The following ORC3 variants were observed in gnomAD, a reference collection of about 807,000 sequenced individuals.
ORC3 encodes origin recognition complex subunit 3.
In ORC3, 78 loss-of-function variants were observed where a neutral mutation model predicts 100.7. That is an observed-to-expected ratio of 0.77 (90% confidence interval 0.65 to 0.94). The LOEUF (loss-of-function observed/expected upper bound fraction) is 0.94, where lower values mean the gene tolerates loss of function less well. Ranked by LOEUF, ORC3 falls within the 40% of genes least tolerant of loss-of-function variation. The pLI is 0.00. For missense variants in ORC3, 789 were observed against 823.9 expected, an observed-to-expected ratio of 0.96 and a Z score of 0.52; for synonymous variants, 295 against 289.3, an observed-to-expected ratio of 1.02 and a Z score of -0.20.
At chr6:87,632,727 G>A (rs1767521241) in intron 11 of ORC3, among the ~76,000 whole-genome samples, 1 of 151,960 alleles carries the variant, frequency 6.6e-6, no homozygotes, top group East Asian at 1.9e-4. Context: ...AACTGGGCAT[G>A]GTGGCAGGCA....
chr6:87,673,490 A>G, the ORC3 span, among the ~76,000 whole-genome samples: 4 of 152,164 alleles, frequency 2.6e-5, no homozygotes, highest in Non-Finnish European at 4.4e-5. Context: ...ACAAAGAATG[A>G]TCTGGCCCAA....
At chr6:87,675,659 C>A in the ORC3 span, 2 of 1,604,026 alleles carry the variant, frequency 1.2e-6, no homozygotes, top group South Asian at 1.1e-5. Flanking sequence ...AAAATCCAAA[C>A]GAATACTAGA....
intron 9 of ORC3, 23 bp downstream of exon 9, chr6:87,616,450 G>C (rs773718096): frequency 1.1e-6 from 1 of 942,476 alleles, no homozygotes; most frequent in Non-Finnish European, 1.7e-6. Context: ...TAATGGGTTT[G>C]AAAATTCTCA....
In ORC3 at chr6:87,661,440, G is replaced by T. The variant is rs28381533; in HGVS notation, c.1692-1563G>T. 4.8e-4 allele frequency among the ~76,000 whole-genome samples: 73 copies of T among 152,326 alleles called. No homozygotes were observed. In the South Asian group the frequency reaches 0.014, roughly 30 times the overall value. Reference sequence around the variant, plus strand: ...AAGGAGCAGCACCTAGAATTAGAATGAGCAAGGGGTCATTAGCTCTTGAGA... The same window carrying T: ...AAGGAGCAGCACCTAGAATTAGAATTAGCAAGGGGTCATTAGCTCTTGAGA... On this transcript the variant is annotated intron_variant, in intron 16 of 19. Coordinates refer to ENST00000392844, the MANE Select transcript of ORC3 (RefSeq NM_012381.4).
intron 11 of ORC3, among the ~76,000 whole-genome samples, chr6:87,622,950 C>T (rs1286898597): frequency 6.6e-6 from 1 of 152,008 alleles, no homozygotes; most frequent in African/African-American, 2.4e-5. Flanking sequence ...CTCCTCATGC[C>T]TTTTTTAGGA....
the ORC3 span, chr6:87,675,055 CA>C: frequency 0.18 from 23,462 of 132,068 alleles, 2,351 homozygotes; most frequent in African/African-American, 0.31. Context: ...AATAAAACTA[CA>C]AAAAAAAAAA....
At chr6:87,591,175 A>T (rs1309119674) in intron 1 of ORC3, among the ~76,000 whole-genome samples, 3 of 152,242 alleles carry the variant, frequency 2.0e-5, no homozygotes, top group African/African-American at 7.2e-5. Flanking sequence ...CATTTCTATC[A>T]TTACAGAAAG....
chr6:87,639,825 CAAAAAAAAAAAAAAA>C (rs548788316), intron 13 of ORC3, among the ~76,000 whole-genome samples: 2 of 58,766 alleles, frequency 3.4e-5, no homozygotes, highest in Non-Finnish European at 6.5e-5. Context: ...GCCAAAAATA[CAAAAAAAAAAAAAAA>C]AAAAAAAAAA....
In ORC3 at chr6:87,594,515, A is replaced by G; in HGVS notation, c.79+108A>G. On this transcript the variant is annotated intron_variant, in intron 2 of 19. Coordinates refer to ENST00000392844, the MANE Select transcript of ORC3 (RefSeq NM_012381.4). Reference sequence around the variant, plus strand: ...CTTGTCTAACCTTGGCTTACTTGCCATGTTGATGTAGCATTTATGTTCCAA... The same window carrying G: ...CTTGTCTAACCTTGGCTTACTTGCCGTGTTGATGTAGCATTTATGTTCCAA... 2.9e-6 allele frequency: 4 copies of G among 1,399,644 alleles called. No individual in the cohort carries two copies. In the South Asian group the frequency reaches 7.2e-5, roughly 25 times the overall value. The allele number at this position is 1,399,644 out of a possible 1,614,324, so 86.7% of individuals were successfully genotyped here.
chr6:87,623,787 G>A (rs1779696612), intron 11 of ORC3, among the ~76,000 whole-genome samples: 1 of 152,130 alleles, frequency 6.6e-6, no homozygotes, highest in African/African-American at 2.4e-5. Context: ...AGGAGGCTGA[G>A]GCAGGAGAAT....
chr6:87,643,019 T>G (rs1768398185), intron 13 of ORC3, among the ~76,000 whole-genome samples: 3 of 152,142 alleles, frequency 2.0e-5, no homozygotes, highest in African/African-American at 2.4e-5. Flanking sequence ...TTGCATCACA[T>G]TAGGGCCTTC....
intron 6 of ORC3, among the ~76,000 whole-genome samples, chr6:87,608,561 C>A (rs1778513683): frequency 6.6e-6 from 1 of 152,102 alleles, no homozygotes; most frequent in African/African-American, 2.4e-5. Context: ...CTAATACTTA[C>A]CATAATACCT....
intron 11 of ORC3, among the ~76,000 whole-genome samples, chr6:87,631,881 C>T (rs982416771): frequency 2.0e-5 from 3 of 151,902 alleles, no homozygotes; most frequent in Admixed American, 6.6e-5. Flanking sequence ...GTTTTAAGGC[C>T]GGGTGCAGTA....
intron 11 of ORC3, among the ~76,000 whole-genome samples, chr6:87,633,967 G>C (rs1358690425): frequency 6.6e-6 from 1 of 152,018 alleles, no homozygotes; most frequent in African/African-American, 2.4e-5. Context: ...CTTTTTTTCT[G>C]TATCTAAATC....
chr6:87,653,802 G>T (rs1017093969), intron 14 of ORC3, among the ~76,000 whole-genome samples: 3 of 152,146 alleles, frequency 2.0e-5, no homozygotes. Flanking sequence ...AAGCAGCCTG[G>T]CACTCTTCAC....
intron 13 of ORC3, among the ~76,000 whole-genome samples, chr6:87,639,534 C>T (rs985640921): frequency 2.0e-5 from 3 of 152,172 alleles, no homozygotes; most frequent in Admixed American, 1.3e-4. Context: ...CAGCCTTCTG[C>T]AGCCTGGGGA....
chr6:87,607,566 C>T, intron 5 of ORC3, 107 bp from the exon 6 acceptor site: 1 of 710,526 alleles, frequency 1.4e-6, no homozygotes, highest in South Asian at 2.1e-5. Flanking sequence ...TAAAAAAACA[C>T]ATTCTACCAA....
At chr6:87,596,899 C>T (rs1777486591) in intron 2 of ORC3, among the ~76,000 whole-genome samples, 1 of 152,096 alleles carries the variant, frequency 6.6e-6, no homozygotes, top group Non-Finnish European at 1.5e-5. Flanking sequence ...AATACTCTTC[C>T]ACCAGTAAGT....
chr6:87,635,164 G>A (rs932156816), intron 12 of ORC3, among the ~76,000 whole-genome samples: 6 of 152,212 alleles, frequency 3.9e-5, no homozygotes, highest in African/African-American at 1.4e-4. Flanking sequence ...AGAAACAGCC[G>A]TATGAATCCC....
Sources: allele counts gnomAD v4.1 joint callset (sites outside exome capture counted in the v4.1 genomes callset), GRCh38; gene constraint gnomAD v4.1.1; transcripts MANE v1.5; gene names NCBI Gene and HGNC (gene_info 2026-07-23, HGNC 2026-07-21).